RGS22: variants seen among roughly 807,000 people sequenced by gnomAD.
RGS22 encodes regulator of G-protein signaling 22.
Under a neutral mutation model 172.9 loss-of-function variants are expected in RGS22, and 148 were observed. That is an observed-to-expected ratio of 0.86 (90% confidence interval 0.75 to 0.98). RGS22 has a LOEUF of 0.98. Among genes scored for constraint, RGS22 ranks in the 50% least tolerant of loss-of-function variants. The pLI, the probability that RGS22 is intolerant of heterozygous loss-of-function variation, is 0.00. For synonymous variants in RGS22, 458 were observed against 480.2 expected (o/e 0.95, Z 0.60); for missense variants, 1,347 against 1,440.8 (o/e 0.93, Z 1.05).
At chr8:100,052,375 C>A (rs938580156) in intron 10 of RGS22, among the ~76,000 whole-genome samples, 12 of 149,934 alleles carry the variant, frequency 8.0e-5, no homozygotes, top group African/African-American at 2.9e-4. Context: ...TATCTCGGCT[C>A]ACTGCAAGCT....
At chr8:100,071,346 T>C (rs1314222020) in intron 6 of RGS22, 23 bp downstream of exon 6, 3 of 1,572,014 alleles carry the variant, frequency 1.9e-6, no homozygotes, top group Admixed American at 3.9e-5. Context: ...CGCTAAGTCA[T>C]GAAAAAATGC....
intron 20 of RGS22, among the ~76,000 whole-genome samples, chr8:99,994,859 C>G (rs1814180359): frequency 6.6e-6 from 1 of 152,188 alleles, no homozygotes; most frequent in South Asian, 2.1e-4. Context: ...TACCTGACTT[C>G]AAACTACATT....
At chr8:100,014,629 C>T (rs1271674419) in intron 14 of RGS22, among the ~76,000 whole-genome samples, 2 of 152,162 alleles carry the variant, frequency 1.3e-5, no homozygotes, top group African/African-American at 4.8e-5. Flanking sequence ...TGATTCTATG[C>T]CAATTTCCGC....
chr8:100,023,734 T>G (rs1482463646), intron 14 of RGS22, among the ~76,000 whole-genome samples: 1 of 152,140 alleles, frequency 6.6e-6, no homozygotes, highest in Non-Finnish European at 1.5e-5. Context: ...GTGCCTGGCC[T>G]GGAAAATTCT....
At chr8:99,991,047 A>G (rs1239962480) in intron 20 of RGS22, among the ~76,000 whole-genome samples, 6 of 152,212 alleles carry the variant, frequency 3.9e-5, no homozygotes, top group Admixed American at 3.9e-4. Context: ...GAAAACTAAC[A>G]AACAGAAAGG....
chr8:100,000,407 T>C (rs754767802), intron 18 of RGS22, among the ~76,000 whole-genome samples: 6 of 152,142 alleles, frequency 3.9e-5, no homozygotes, highest in Admixed American at 6.6e-5. Context: ...AAAAAAAGAC[T>C]ACCTTGCTAA....
chr8:100,104,140 A>C (rs1813717386), intron 2 of RGS22, among the ~76,000 whole-genome samples: 1 of 152,160 alleles, frequency 6.6e-6, no homozygotes, highest in Non-Finnish European at 1.5e-5. Flanking sequence ...CAACATGGTG[A>C]AACTCTGTCT....
At position 100,100,291 on chromosome 8, in the gene RGS22, A is replaced by ATTTT. The variant is rs764067983; in HGVS notation, c.54+5079_54+5082dup. 6.1e-3 allele frequency among the ~76,000 whole-genome samples: 832 copies of ATTTT among 136,970 alleles called. 14 individuals carry two copies. The highest frequency in any genetic ancestry group is 0.018 in the African/African-American group (667 of 36,632). The allele number at this position is 136,970 out of a possible 152,430, so 89.9% of individuals were successfully genotyped here. A position where few individuals can be genotyped will look rare whatever the true frequency, so the allele number is the denominator to read the frequency against. On this transcript the variant is annotated intron_variant, in intron 2 of 27. Transcript: ENST00000360863. Reference sequence around the variant, plus strand: ...TTTTTAAAGTTTGTATTTTTTTCTGATTTTTTTTTTTTTTTTGAGACGTAG... The same window carrying ATTTT: ...TTTTTAAAGTTTGTATTTTTTTCTGATTTTTTTTTTTTTTTTTTTTGAGACGTAG...
At chr8:100,060,438 A>G (rs569202936) in intron 9 of RGS22, among the ~76,000 whole-genome samples, 6 of 146,534 alleles carry the variant, frequency 4.1e-5, no homozygotes, top group South Asian at 2.2e-4. Context: ...ACACACACAC[A>G]CACGCACCCC....
chr8:100,067,425 G>C, intron 6 of RGS22, among the ~76,000 whole-genome samples: 1 of 151,928 alleles, frequency 6.6e-6, no homozygotes, highest in Non-Finnish European at 1.5e-5. Context: ...TAATTATCGA[G>C]TGACTACTTT....
At chr8:100,105,863 G>A (rs1225186767) in intron 1 of RGS22, 34 bp downstream of exon 1, 1 of 1,499,644 alleles carries the variant, frequency 6.7e-7, no homozygotes, top group South Asian at 1.3e-5. Flanking sequence ...GACGCCGCGG[G>A]CTGATCCTCT....
intron 25 of RGS22, 58 bp from the exon 26 acceptor site, chr8:99,962,825 T>A (rs1251539012): frequency 1.9e-6 from 3 of 1,582,396 alleles, no homozygotes; most frequent in Non-Finnish European, 8.6e-7. Flanking sequence ...CAAAGTCTTC[T>A]AAAATTAATC....
intron 2 of RGS22, among the ~76,000 whole-genome samples, chr8:100,098,584 A>G (rs144729381): frequency 6.6e-6 from 1 of 152,278 alleles, no homozygotes; most frequent in East Asian, 1.9e-4. Context: ...TGCAATGAGG[A>G]GCAAAAGTAT....
chr8:100,064,683 T>C (rs746736892), intron 7 of RGS22, among the ~76,000 whole-genome samples: 2 of 152,140 alleles, frequency 1.3e-5, no homozygotes, highest in Admixed American at 1.3e-4. Context: ...CAGACTAATA[T>C]ATAATATCAA....
chr8:100,028,254 G>A (rs923409490), intron 14 of RGS22, among the ~76,000 whole-genome samples: 13 of 151,846 alleles, frequency 8.6e-5, no homozygotes, highest in African/African-American at 2.7e-4. Flanking sequence ...TTACCATCTC[G>A]GCCATGCACT....
At position 100,063,873 on chromosome 8, in the gene RGS22, G is replaced by T. The variant is rs1810345095; in HGVS notation, c.895C>A (p.Gln299Lys). ...ATTGTCAGGCTTTCATCAACATCCT[G>T]TTTCTTTTCAAGGTATACTCTCAGA... ...ALLRVYLEKK[Q>K]DVDESLTMHF... Residue 299 changes from glutamine to lysine, a missense_variant, in exon 8 of 28, where the codon CAG becomes AAG. Transcript: ENST00000360863. The T allele has an allele frequency of 1.2e-6, 2 of 1,611,498 alleles. No homozygotes were observed. Among genetic ancestry groups the T allele is most frequent in the African/African-American group, 2.7e-5 (2 of 74,710 alleles).
Position 100,004,027 on chromosome 8 carries a change from A to T in RGS22, c.2526T>A (p.Asp842Glu), listed in dbSNP as rs777505388. Residue 842 changes from aspartate to glutamate, a missense_variant, in exon 17 of 28, where the codon GAT (aspartate) becomes GAA (glutamate). Physicochemically the swap from Asp to Glu is conservative, Grantham distance 45. Coordinates refer to ENST00000360863, the MANE Select transcript of RGS22 (RefSeq NM_015668.5). The stretch of plus-strand genomic sequence containing the variant: ...AATGCTTGTATTCTGCAGGAACATT[A>T]TCCCAATATTCTGTTCGTTTAGAGA... ...SNVSKRTEYW[D>E]NVPAEYKHFK... The T allele has an allele frequency of 1.8e-5, 29 of 1,612,628 alleles. No homozygotes were observed. The South Asian group carries it at 2.9e-4, about 16-fold the overall frequency.
At chr8:99,994,304 A>G (rs1814107496) in intron 20 of RGS22, among the ~76,000 whole-genome samples, 1 of 152,212 alleles carries the variant, frequency 6.6e-6, no homozygotes, top group South Asian at 2.1e-4. Context: ...GTATTCAAGT[A>G]GGAAAAGAGG....
chr8:99,979,410 T>C (rs1455406556), intron 22 of RGS22, among the ~76,000 whole-genome samples: 1 of 152,238 alleles, frequency 6.6e-6, no homozygotes, highest in Non-Finnish European at 1.5e-5. Flanking sequence ...TTAATATATA[T>C]TGTTAATTAA....
Sources: allele counts gnomAD v4.1 joint callset (sites outside exome capture counted in the v4.1 genomes callset), GRCh38; gene constraint gnomAD v4.1.1; transcripts MANE v1.5; gene names NCBI Gene and HGNC (gene_info 2026-07-23, HGNC 2026-07-21).